The following RBFOX1 variants were observed in gnomAD, a reference collection of about 807,000 sequenced individuals.
The protein encoded by RBFOX1 is RNA binding protein fox-1 homolog 1.
A neutral mutation model predicts 57.7 loss-of-function variants in RBFOX1; 8 were observed. That is an observed-to-expected ratio of 0.14 (90% CI 0.08 to 0.25). RBFOX1 has a LOEUF of 0.25. Ranked by LOEUF, RBFOX1 falls within the 10% of genes least tolerant of loss-of-function variation. RBFOX1 has a pLI of 1.00. For synonymous variants in RBFOX1, 326 were observed against 222.4 expected, an observed-to-expected ratio of 1.47 and a Z score of -4.15; for missense variants, 611 against 548.5, an observed-to-expected ratio of 1.11 and a Z score of -1.14.
intron 2 of RBFOX1, among the ~76,000 whole-genome samples, chr16:6,640,696 C>T (rs1415282133): frequency 1.3e-5 from 2 of 152,112 alleles, no homozygotes; most frequent in Admixed American, 6.6e-5. Flanking sequence ...ATATAGGAAA[C>T]ACTGGGCAAA....
At chr16:6,940,678 A>C (rs1050629025) in intron 3 of RBFOX1, among the ~76,000 whole-genome samples, 2 of 151,866 alleles carry the variant, frequency 1.3e-5, no homozygotes, top group African/African-American at 4.8e-5. Context: ...GCTCACTGCA[A>C]GCTCCGCCTC....
At chr16:6,910,562 T>C (rs2071309264) in intron 3 of RBFOX1, among the ~76,000 whole-genome samples, 1 of 152,122 alleles carries the variant, frequency 6.6e-6, no homozygotes, top group Non-Finnish European at 1.5e-5. Flanking sequence ...CGGCCCCTAT[T>C]GGGGTAAAAT....
chr16:6,372,424 G>A (rs1385769288), intron 2 of RBFOX1, among the ~76,000 whole-genome samples: 4 of 151,532 alleles, frequency 2.6e-5, no homozygotes, highest in Non-Finnish European at 5.9e-5. Context: ...TGGTGGAAGA[G>A]TATAGTTGGA....
intron 1 of RBFOX1, among the ~76,000 whole-genome samples, chr16:5,377,301 A>G (rs1439507675): frequency 6.6e-6 from 1 of 151,484 alleles, no homozygotes; most frequent in Non-Finnish European, 1.5e-5. Context: ...GCGGAGGGGT[A>G]GAGGGAGGAA....
intron 3 of RBFOX1, among the ~76,000 whole-genome samples, chr16:6,701,832 A>T (rs1274319172): frequency 6.6e-6 from 1 of 152,146 alleles, no homozygotes; most frequent in African/African-American, 2.4e-5. Flanking sequence ...CCAGTATTCT[A>T]AGCAAACTAA....
intron 12 of RBFOX1, among the ~76,000 whole-genome samples, chr16:7,658,106 A>G (rs1311522983): frequency 6.6e-6 from 1 of 152,166 alleles, no homozygotes; most frequent in African/African-American, 2.4e-5. Context: ...AACTTGGTCC[A>G]TCTTATGACA....
rs1315488993 is a variant in RBFOX1, at chr16:6,780,478, T to A, written c.-16+125828T>A. 2.5e-3 allele frequency among the ~76,000 whole-genome samples: 230 copies of A among 92,220 alleles called. 5 individuals are homozygous for A. Among genetic ancestry groups the A allele is most frequent in the African/African-American group, 8.8e-3 (216 of 24,596 alleles). The allele number at this position is 92,220 out of a possible 152,430, so 60.5% of individuals were successfully genotyped here. A position where few individuals can be genotyped will look rare whatever the true frequency, so the allele number is the denominator to read the frequency against. On this transcript the variant is annotated intron_variant, in intron 3 of 15. Coordinates refer to ENST00000550418, the MANE Select transcript of RBFOX1 (RefSeq NM_018723.4). ...TTTTTATATATATTTATATACATTT[T>A]TATATATATTTATATACATTTTTAT...
intron 3 of RBFOX1, among the ~76,000 whole-genome samples, chr16:6,667,251 G>A (rs2098738723): frequency 6.6e-6 from 1 of 152,090 alleles, no homozygotes; most frequent in Non-Finnish European, 1.5e-5. Context: ...CAGTGCCATG[G>A]ACACAGTGGT....
intron 4 of RBFOX1, among the ~76,000 whole-genome samples, chr16:5,869,788 A>T (rs2057424824): frequency 6.6e-6 from 1 of 152,194 alleles, no homozygotes; most frequent in African/African-American, 2.4e-5. Flanking sequence ...AGGTGAAATA[A>T]TGTTTAAAAA....
At chr16:6,544,403 C>G (rs1050403292) in intron 2 of RBFOX1, among the ~76,000 whole-genome samples, 2 of 152,208 alleles carry the variant, frequency 1.3e-5, no homozygotes, top group South Asian at 2.1e-4. Context: ...ACATTTCCAC[C>G]TAAATTAGTT....
intron 3 of RBFOX1, among the ~76,000 whole-genome samples, chr16:6,831,964 G>A (rs895784691): frequency 6.6e-6 from 1 of 152,130 alleles, no homozygotes; most frequent in Admixed American, 6.5e-5. Flanking sequence ...TGCAAAAACG[G>A]GAAGATGTTG....
In RBFOX1 at chr16:6,253,583, G is replaced by T. The variant is rs145502822; in HGVS notation, c.-126-63412G>T. On this transcript the variant is annotated intron_variant, in intron 1 of 15. Coordinates refer to ENST00000550418, the MANE Select transcript of RBFOX1 (RefSeq NM_018723.4). ...GTTTTCCAATCAAAGCTTGATCAAT[G>T]GTTGATGATAGATAGATAGATGGAT... Among the ~76,000 whole-genome samples the T allele has an allele frequency of 2.1e-3, 310 of 148,118 alleles. 3 individuals are homozygous for T. The highest frequency in any genetic ancestry group is 0.01 in the Middle Eastern group (3 of 290).
At chr16:7,342,349 T>C (rs114886080) in intron 4 of RBFOX1, among the ~76,000 whole-genome samples, 2 of 152,090 alleles carry the variant, frequency 1.3e-5, no homozygotes, top group Non-Finnish European at 2.9e-5. Flanking sequence ...CGCATCTGAG[T>C]TGGCATCCTG....
At chr16:6,619,524 C>T (rs561606458) in intron 2 of RBFOX1, among the ~76,000 whole-genome samples, 1 of 152,178 alleles carries the variant, frequency 6.6e-6, no homozygotes, top group South Asian at 2.1e-4. Context: ...TAGGAGAGGA[C>T]TGTAAACTCA....
chr16:7,547,941 G>A (rs1325477146), intron 5 of RBFOX1, among the ~76,000 whole-genome samples: 2 of 152,204 alleles, frequency 1.3e-5, no homozygotes, highest in African/African-American at 4.8e-5. Flanking sequence ...GGTAATGGAG[G>A]AAATCCAGGT....
chr16:7,218,518 A>C (rs550694113), intron 4 of RBFOX1, among the ~76,000 whole-genome samples: 73 of 152,106 alleles, frequency 4.8e-4, no homozygotes, highest in Non-Finnish European at 8.7e-4. Context: ...ACTAGGTGTC[A>C]CTCTTTTACC....
At chr16:6,275,647 T>C (rs1268104071) in intron 1 of RBFOX1, among the ~76,000 whole-genome samples, 1 of 152,208 alleles carries the variant, frequency 6.6e-6, no homozygotes, top group Non-Finnish European at 1.5e-5. Flanking sequence ...CTGATGATAG[T>C]ACTACATTAT....
intron 14 of RBFOX1, among the ~76,000 whole-genome samples, chr16:7,683,905 C>T (rs1258882830): frequency 2.0e-5 from 3 of 152,022 alleles, no homozygotes; most frequent in Non-Finnish European, 4.4e-5. Flanking sequence ...TATCTTAGCT[C>T]ATGCAGCATT....
chr16:5,896,259 C>G (rs956050484), intron 4 of RBFOX1, among the ~76,000 whole-genome samples: 1 of 152,152 alleles, frequency 6.6e-6, no homozygotes, highest in Admixed American at 6.5e-5. Flanking sequence ...CCTCCCAAAC[C>G]TCATGCTGAA....
Sources: gnomAD v4.1 joint callset for allele counts (sites outside exome capture counted in the v4.1 genomes callset) on GRCh38, gnomAD v4.1.1 for gene constraint, MANE v1.5 for transcripts, NCBI Gene and HGNC (gene_info 2026-07-23, HGNC 2026-07-21) for gene names.